Variants in NDUFA8 observed in about 807,000 individuals in gnomAD.
NDUFA8 encodes NADH:ubiquinone oxidoreductase subunit A8, also known as NADH dehydrogenase [ubiquinone] 1 alpha subcomplex subunit 8.
Under a neutral mutation model 20.9 loss-of-function variants are expected in NDUFA8, and 16 were observed. The ratio of observed to expected loss-of-function variants is 0.77; its 90% CI spans 0.52 to 1.16. The LOEUF (loss-of-function observed/expected upper bound fraction) is 1.16. Ranked by LOEUF, NDUFA8 falls within the 50% of genes most tolerant of loss-of-function variation. The pLI, the probability that NDUFA8 is intolerant of heterozygous loss-of-function variation, is 0.00. For synonymous variants in NDUFA8, 70 were observed against 76.1 expected (o/e 0.92, Z 0.41); for missense variants, 202 against 216.4 (o/e 0.93, Z 0.42).
Position 122,144,765 on chromosome 9 carries a change from G to C in NDUFA8, c.382-387C>G, listed in dbSNP as rs527324299. 9.8e-5 allele frequency among the ~76,000 whole-genome samples: 15 copies of C among 152,294 alleles called. No individual in the cohort carries two copies. The East Asian group carries it at 2.3e-3, about 24-fold the overall frequency. On this transcript the variant is annotated intron_variant, in intron 3 of 3. Coordinates refer to ENST00000373768, the MANE Select transcript of NDUFA8 (RefSeq NM_014222.3). The stretch of plus-strand genomic sequence containing the variant: ...CACATCTAACCCATCCTGAAGGCTG[G>C]GGGTCTGGAATATTTTTAAGGAGGT...
chr9:122,139,333 C>T (rs996825296), downstream of NDUFA8, among the ~76,000 whole-genome samples: 10 of 129,450 alleles, frequency 7.7e-5, no homozygotes, highest in African/African-American at 2.6e-4. Context: ...TGTGGCCTGT[C>T]TTCTTAAACG....
the NDUFA8 span, among the ~76,000 whole-genome samples, chr9:122,133,760 G>T: frequency 1.3e-5 from 2 of 152,256 alleles, no homozygotes; most frequent in East Asian, 3.8e-4. Context: ...GGGCGAGCGC[G>T]TGAGGTGGAG....
chr9:122,151,338 G>C (rs1380563565), intron 2 of NDUFA8, among the ~76,000 whole-genome samples: 2 of 152,166 alleles, frequency 1.3e-5, no homozygotes, highest in African/African-American at 2.4e-5. Flanking sequence ...TCTCAGGCCT[G>C]AGCAATCAGA....
intron 1 of NDUFA8, 25 bp downstream of exon 1, chr9:122,159,602 T>C: frequency 6.2e-7 from 1 of 1,614,052 alleles, no homozygotes; most frequent in Non-Finnish European, 8.5e-7. Context: ...CATGTCTCCC[T>C]TGCCTGTCCT....
the NDUFA8 span, among the ~76,000 whole-genome samples, chr9:122,136,997 A>G: frequency 6.6e-6 from 1 of 152,096 alleles, no homozygotes; most frequent in Non-Finnish European, 1.5e-5. Flanking sequence ...CCACTCTTGT[A>G]GTTTAATCTT....
chr9:122,133,985 C>T, the NDUFA8 span, among the ~76,000 whole-genome samples: 2 of 152,210 alleles, frequency 1.3e-5, no homozygotes, highest in East Asian at 1.9e-4. Flanking sequence ...CTGCCACCAG[C>T]CAGCTGTGTT....
downstream of NDUFA8, chr9:122,143,983 C>G: frequency 1.8e-6 from 2 of 1,103,088 alleles, no homozygotes; most frequent in African/African-American, 3.2e-5. Flanking sequence ...CAGGCAGGAC[C>G]ACAAGAAGAA....
the NDUFA8 span, among the ~76,000 whole-genome samples, chr9:122,138,265 C>A: frequency 6.6e-6 from 1 of 152,174 alleles, no homozygotes; most frequent in Non-Finnish European, 1.5e-5. Context: ...TAAAGGAATA[C>A]TGGCATGCAA....
rs567424091 is a variant in NDUFA8, at chr9:122,151,879, GACA to G, written c.215+363_215+365del. ...CATCATACCTGTGTTCTGTAGTAATGACAACAACCTAGTGAATGCCTGCTTAAA... is the reference window on the plus strand; with the variant it reads ...CATCATACCTGTGTTCTGTAGTAATGACAACCTAGTGAATGCCTGCTTAAA... On this transcript the variant is annotated intron_variant, in intron 2 of 3. Transcript: ENST00000373768. Among the ~76,000 whole-genome samples the G allele has an allele frequency of 3.3e-4, 50 of 152,264 alleles. 2 individuals carry two copies. The South Asian group carries it at 8.9e-3, about 27-fold the overall frequency.
intron 2 of NDUFA8, 34 bp downstream of exon 2, chr9:122,152,211 C>T: frequency 6.2e-7 from 1 of 1,613,560 alleles, no homozygotes; most frequent in Non-Finnish European, 8.5e-7. Flanking sequence ...CTTTATGCTT[C>T]AACCAAGTAG....
At chr9:122,134,505 G>A in the NDUFA8 span, among the ~76,000 whole-genome samples, 1 of 152,198 alleles carries the variant, frequency 6.6e-6, no homozygotes, top group South Asian at 2.1e-4. Context: ...CAAACAGCAA[G>A]TACCTAATAA....
At chr9:122,155,699 C>G (rs1373002003) in intron 1 of NDUFA8, among the ~76,000 whole-genome samples, 1 of 152,124 alleles carries the variant, frequency 6.6e-6, no homozygotes, top group African/African-American at 2.4e-5. Flanking sequence ...AAAACTAACA[C>G]TCAAACTTTT....
In NDUFA8 at chr9:122,159,720, T is replaced by C; in HGVS notation, c.-43A>G. 3 of 1,613,688 alleles carry C rather than the reference T, an allele frequency of 1.9e-6. No homozygotes were observed. Among genetic ancestry groups the C allele is most frequent in the Non-Finnish European group, 2.5e-6 (3 of 1,179,888 alleles). On this transcript the variant is annotated 5_prime_UTR_variant, in exon 1 of 4. Transcript: ENST00000373768. ...CCCCGACGAGAAGCCCTCAGCCGCGTCGCCCCCGTCTCCTTGAACTCCCCT... is the reference window on the plus strand; with the variant it reads ...CCCCGACGAGAAGCCCTCAGCCGCGCCGCCCCCGTCTCCTTGAACTCCCCT...
intron 1 of NDUFA8, among the ~76,000 whole-genome samples, chr9:122,155,731 ATAAT>A (rs912746971): frequency 2.0e-5 from 3 of 152,228 alleles, no homozygotes; most frequent in African/African-American, 7.2e-5. Flanking sequence ...ATATATTTTA[ATAAT>A]TAAGTCAGTT....
chr9:122,143,180 A>AT (rs1380068674), downstream of NDUFA8, among the ~76,000 whole-genome samples: 2 of 152,112 alleles, frequency 1.3e-5, no homozygotes, highest in African/African-American at 4.8e-5. Flanking sequence ...AAAATCTAGA[A>AT]TGAGCTCGAA....
chr9:122,141,978 T>C (rs761050283), downstream of NDUFA8, among the ~76,000 whole-genome samples: 2 of 152,126 alleles, frequency 1.3e-5, no homozygotes, highest in Non-Finnish European at 2.9e-5. Context: ...TTGAAACCAT[T>C]AACAGTTCAA....
chr9:122,148,644 T>G (rs1828943814), intron 2 of NDUFA8, among the ~76,000 whole-genome samples: 3 of 152,060 alleles, frequency 2.0e-5, no homozygotes, highest in Admixed American at 2.0e-4. Flanking sequence ...GGAGGCATAA[T>G]TAAATAATGG....
In NDUFA8 at chr9:122,152,238, T is replaced by C. The variant is rs753021805; in HGVS notation, c.215+7A>G. 18 of 1,614,066 alleles carry C rather than the reference T, an allele frequency of 1.1e-5. No homozygotes were observed. Among genetic ancestry groups the C allele is most frequent in the Non-Finnish European group, 1.4e-5 (16 of 1,180,032 alleles). On this transcript the variant is annotated splice_region_variant and intron_variant, in intron 2 of 3. Coordinates refer to ENST00000373768, the MANE Select transcript of NDUFA8 (RefSeq NM_014222.3). The stretch of plus-strand genomic sequence containing the variant: ...ACCAAGTAGGCACTGATACCAAAGA[T>C]TTTTACCTAAAGAAGTCCAAAGCAC...
At chr9:122,156,915 C>G (rs1028268526) in intron 1 of NDUFA8, among the ~76,000 whole-genome samples, 3 of 152,146 alleles carry the variant, frequency 2.0e-5, no homozygotes, top group African/African-American at 7.2e-5. Context: ...TTTTCTTTTT[C>G]TTTCTTCAAT....
Sources: gnomAD v4.1 joint callset for allele counts (sites outside exome capture counted in the v4.1 genomes callset) on GRCh38, gnomAD v4.1.1 for gene constraint, MANE v1.5 for transcripts, NCBI Gene and HGNC (gene_info 2026-07-23, HGNC 2026-07-21) for gene names.